Variants in GFRA1 observed in about 807,000 individuals in gnomAD.
GFRA1 encodes the protein GDNF family receptor alpha-1.
A neutral mutation model predicts 51.6 loss-of-function variants in GFRA1; 16 were observed. That is an observed-to-expected ratio of 0.31 (90% CI 0.21 to 0.47). The LOEUF is 0.47. Among genes scored for constraint, GFRA1 ranks in the 20% least tolerant of loss-of-function variants. GFRA1 has a pLI of 1.00. For synonymous variants in GFRA1, 270 were observed against 241.3 expected, an observed-to-expected ratio of 1.12 and a Z score of -1.10; for missense variants, 530 against 594.3, an observed-to-expected ratio of 0.89 and a Z score of 1.13.
At chr10:116,127,101 GAAA>G (rs56387404) in intron 5 of GFRA1, among the ~76,000 whole-genome samples, 61,133 of 149,306 alleles carry the variant, frequency 0.41, 12,607 homozygotes, top group African/African-American at 0.46. Context: ...AGAAGAAAAT[GAAA>G]AAAAAAAAAA....
intron 5 of GFRA1, among the ~76,000 whole-genome samples, chr10:116,178,196 CAAATA>C (rs928384128): frequency 8.8e-5 from 13 of 148,474 alleles, no homozygotes; most frequent in African/African-American, 3.2e-4. Flanking sequence ...GGGAGGTTTT[CAAATA>C]AAGCTGAATT....
At chr10:116,175,297 T>C (rs1171293679) in intron 5 of GFRA1, among the ~76,000 whole-genome samples, 1 of 152,084 alleles carries the variant, frequency 6.6e-6, no homozygotes, top group Non-Finnish European at 1.5e-5. Flanking sequence ...GCCATATCCT[T>C]GGGAAAGAGG....
chr10:116,215,633 A>G (rs892778647), intron 4 of GFRA1, among the ~76,000 whole-genome samples: 2 of 152,234 alleles, frequency 1.3e-5, no homozygotes, highest in Non-Finnish European at 2.9e-5. Flanking sequence ...TACTCTGAGA[A>G]TAAGACTCGG....
intron 4 of GFRA1, among the ~76,000 whole-genome samples, chr10:116,220,078 T>A (rs1028043025): frequency 2.2e-4 from 34 of 152,228 alleles, no homozygotes; most frequent in African/African-American, 8.0e-4. Flanking sequence ...TTATTTGTAA[T>A]CTTATGCATG....
At chr10:116,086,321 T>C (rs1956098174) in intron 9 of GFRA1, among the ~76,000 whole-genome samples, 2 of 152,210 alleles carry the variant, frequency 1.3e-5, no homozygotes, top group Admixed American at 6.5e-5. Context: ...AGGAACCAAG[T>C]GGCTACTGAC....
chr10:116,108,184 C>T (rs1298844194), intron 6 of GFRA1, among the ~76,000 whole-genome samples: 2 of 152,090 alleles, frequency 1.3e-5, no homozygotes, highest in Admixed American at 1.3e-4. Flanking sequence ...TGCAGACTTC[C>T]TAAGGAAAAT....
chr10:116,190,510 C>T (rs1963155089), intron 5 of GFRA1, among the ~76,000 whole-genome samples: 1 of 152,184 alleles, frequency 6.6e-6, no homozygotes. Flanking sequence ...GGCCCAGAAA[C>T]TAAAGGTCCT....
At chr10:116,219,331 A>G (rs987832168) in intron 4 of GFRA1, among the ~76,000 whole-genome samples, 8 of 152,240 alleles carry the variant, frequency 5.3e-5, no homozygotes, top group African/African-American at 1.9e-4. Context: ...GAGCTGATAA[A>G]GTAGAACAGT....
intron 6 of GFRA1, among the ~76,000 whole-genome samples, chr10:116,109,558 AC>A (rs1957124405): frequency 6.6e-6 from 1 of 152,168 alleles, no homozygotes; most frequent in Non-Finnish European, 1.5e-5. Context: ...CTCTCTGGGC[AC>A]CCCTTCCCCG....
chr10:116,200,445 T>A (rs900676511), intron 5 of GFRA1, among the ~76,000 whole-genome samples: 1 of 152,250 alleles, frequency 6.6e-6, no homozygotes, highest in Admixed American at 6.5e-5. Context: ...TATTTCAGCA[T>A]CTGAGACCTG....
At chr10:116,076,711 G>C (rs74158564) in intron 9 of GFRA1, among the ~76,000 whole-genome samples, 179 of 152,288 alleles carry the variant, frequency 1.2e-3, no homozygotes, top group African/African-American at 4.1e-3. Flanking sequence ...CTCTGAGCCA[G>C]AGCTGGTTCG....
intron 5 of GFRA1, among the ~76,000 whole-genome samples, chr10:116,210,970 C>G (rs1269964594): frequency 6.6e-6 from 1 of 152,176 alleles, no homozygotes; most frequent in Non-Finnish European, 1.5e-5. Context: ...GAGTCTCCTG[C>G]TGCACCCCAG....
intron 9 of GFRA1, among the ~76,000 whole-genome samples, chr10:116,088,949 A>G (rs1956216850): frequency 1.5e-5 from 2 of 137,508 alleles, no homozygotes; most frequent in Admixed American, 1.5e-4. Context: ...AAAAAAAAAA[A>G]GAATGTGAAC....
intron 9 of GFRA1, among the ~76,000 whole-genome samples, chr10:116,084,490 G>A (rs961504403): frequency 2.0e-5 from 3 of 152,086 alleles, no homozygotes; most frequent in Non-Finnish European, 2.9e-5. Context: ...TACCCTGCTC[G>A]CCCTGGGGCT....
At chr10:116,156,031 G>A (rs1959192134) in intron 5 of GFRA1, among the ~76,000 whole-genome samples, 1 of 152,212 alleles carries the variant, frequency 6.6e-6, no homozygotes, top group Admixed American at 6.5e-5. Flanking sequence ...GGTACTGAAG[G>A]AGACGATATT....
chr10:116,214,545 A>C (rs1308290018), intron 4 of GFRA1, among the ~76,000 whole-genome samples: 1 of 152,220 alleles, frequency 6.6e-6, no homozygotes, highest in Non-Finnish European at 1.5e-5. Flanking sequence ...CTGAGCCAGG[A>C]CCACATGAGA....
chr10:116,182,050 G>T (rs1166475065), intron 5 of GFRA1, among the ~76,000 whole-genome samples: 2 of 142,804 alleles, frequency 1.4e-5, no homozygotes, highest in Admixed American at 7.3e-5. Flanking sequence ...TCTTGCTCAA[G>T]AATGCATATA....
At chr10:116,223,320 A>G (rs150116117) in intron 4 of GFRA1, among the ~76,000 whole-genome samples, 240 of 152,350 alleles carry the variant, frequency 1.6e-3, no homozygotes, top group African/African-American at 5.5e-3. Flanking sequence ...AAAACCAGAC[A>G]TATTATCCTA....
At chr10:116,230,715 G>GACACACACAC (rs5788144) in intron 4 of GFRA1, among the ~76,000 whole-genome samples, 2 of 150,462 alleles carry the variant, frequency 1.3e-5, no homozygotes, top group African/African-American at 4.9e-5. Flanking sequence ...CATGTGGACA[G>GACACACACAC]ACACACACAC....
Sources: gnomAD v4.1 joint callset for allele counts (sites outside exome capture counted in the v4.1 genomes callset) on GRCh38, gnomAD v4.1.1 for gene constraint, MANE v1.5 for transcripts, NCBI Gene and HGNC (gene_info 2026-07-23, HGNC 2026-07-21) for gene names.